The following STAM2 variants were observed in gnomAD, a reference collection of about 807,000 sequenced individuals.
STAM2 encodes signal transducing adaptor molecule 2.
Under a neutral mutation model 65.6 loss-of-function variants are expected in STAM2, and 51 were observed. The ratio of observed to expected loss-of-function variants is 0.78; its 90% confidence interval spans 0.62 to 0.98. The LOEUF is 0.98. STAM2 is among the 50% of genes least tolerant of loss of function. The pLI, the probability that STAM2 is intolerant of heterozygous loss-of-function variation, is 0.00. For synonymous variants in STAM2, 198 were observed against 208.4 expected, an observed-to-expected ratio of 0.95 and a Z score of 0.43; for missense variants, 584 against 617.8, an observed-to-expected ratio of 0.95 and a Z score of 0.58.
intron 12 of STAM2, 38 bp downstream of exon 12, chr2:152,126,188 T>C (rs755855712): frequency 1.8e-5 from 28 of 1,527,186 alleles, no homozygotes; most frequent in Non-Finnish European, 2.5e-5. Context: ...TTAAAAGTTG[T>C]TTATAATTTA....
rs1361737726 is a variant in STAM2 at position 152,118,327 on chromosome 2, T to C, written c.*2247A>G. The C allele has an allele frequency of 6.6e-6, 1 of 151,888 alleles. No individual in the cohort carries two copies. Among genetic ancestry groups the C allele is most frequent in the African/African-American group, 2.4e-5 (1 of 41,420 alleles). The allele number at this position is 151,888 out of a possible 1,614,324, so 9.4% of individuals were successfully genotyped here. On this transcript the variant is annotated 3_prime_UTR_variant, in exon 14 of 14. Transcript: ENST00000263904. ...CAGTACACAGATTTAAAATCATTTTTATCTCTCGACAGCCTGCAACACAAA... is the reference window on the plus strand; with the variant it reads ...CAGTACACAGATTTAAAATCATTTTCATCTCTCGACAGCCTGCAACACAAA...
chr2:152,151,077 A>G (rs1311700307), intron 1 of STAM2, among the ~76,000 whole-genome samples: 1 of 152,190 alleles, frequency 6.6e-6, no homozygotes. Context: ...ACAAAATTAA[A>G]TGAACAAAAA....
In STAM2 at chr2:152,119,357, G is replaced by A. The variant is rs1001383277; in HGVS notation, c.*1217C>T. Reference sequence around the variant, plus strand: ...AGGCTTCAGAAAAACTGCTTCAATAGCCTCCCTATCAATCTGTCGCCTTCT... The same window carrying A: ...AGGCTTCAGAAAAACTGCTTCAATAACCTCCCTATCAATCTGTCGCCTTCT... On this transcript the variant is annotated 3_prime_UTR_variant, in exon 14 of 14. Transcript: ENST00000263904. 2.6e-5 allele frequency: 4 copies of A among 152,062 alleles called. No homozygotes were observed. The highest frequency in any genetic ancestry group is 9.7e-5 in the African/African-American group (4 of 41,384). 9.4% of individuals were successfully genotyped at this position (152,062 alleles called of 1,614,324 possible).
intron 7 of STAM2, among the ~76,000 whole-genome samples, chr2:152,138,258 C>A (rs1171397601): frequency 6.6e-6 from 1 of 151,958 alleles, no homozygotes; most frequent in East Asian, 1.9e-4. Flanking sequence ...TATTTATATT[C>A]TTTTATAGCT....
intron 7 of STAM2, among the ~76,000 whole-genome samples, chr2:152,140,748 C>T (rs1689230704): frequency 6.6e-6 from 1 of 152,166 alleles, no homozygotes; most frequent in Admixed American, 6.5e-5. Context: ...CAGACAGAAC[C>T]AAAGGTGCAA....
chr2:152,142,480 G>C lies in STAM2; in HGVS notation c.704+1347C>G, dbSNP rs185309641. On this transcript the variant is annotated intron_variant, in intron 7 of 13. Coordinates refer to ENST00000263904, the MANE Select transcript of STAM2 (RefSeq NM_005843.6). Reference sequence around the variant, plus strand: ...ACTCATAAGCCTGACATTTCAGACTGTCAGTGTTCAGAGCCCACACTATCT... The same window carrying C: ...ACTCATAAGCCTGACATTTCAGACTCTCAGTGTTCAGAGCCCACACTATCT... Among the ~76,000 whole-genome samples the C allele has an allele frequency of 3.4e-3, 512 of 152,280 alleles. 3 individuals carry two copies. Among genetic ancestry groups the C allele is most frequent in the African/African-American group, 0.012 (494 of 41,556 alleles).
chr2:152,138,858 C>T (rs895218559), intron 7 of STAM2, among the ~76,000 whole-genome samples: 3 of 152,102 alleles, frequency 2.0e-5, no homozygotes, highest in Admixed American at 1.3e-4. Flanking sequence ...TTGTATAAAA[C>T]GAGAAAACCC....
intron 1 of STAM2, among the ~76,000 whole-genome samples, chr2:152,153,309 T>C (rs1689481726): frequency 1.3e-5 from 2 of 151,986 alleles, no homozygotes; most frequent in African/African-American, 4.8e-5. Context: ...CATATATATA[T>C]ATGAATGACA....
chr2:152,133,918 G>A (rs1293056883), intron 8 of STAM2, among the ~76,000 whole-genome samples: 3 of 152,004 alleles, frequency 2.0e-5, no homozygotes, highest in Non-Finnish European at 2.9e-5. Flanking sequence ...TTACATCTAC[G>A]AGTTCCTTCT....
chr2:152,175,732 A>T lies in STAM2; in HGVS notation c.-90T>A, dbSNP rs1014607176. ...GTGACCCGCGGCCGCGGCTCCCTAG[A>T]CCGCTCCGCTTCGGCCTCCGTCCCT... On this transcript the variant is annotated 5_prime_UTR_variant, in exon 1 of 14. Transcript: ENST00000263904. 6 of 1,415,006 alleles carry T rather than the reference A, an allele frequency of 4.2e-6. No individual in the cohort carries two copies. In the African/African-American group the frequency reaches 4.3e-5, roughly 10 times the overall value. 87.7% of individuals were successfully genotyped at this position (1,415,006 alleles called of 1,614,324 possible).
intron 8 of STAM2, among the ~76,000 whole-genome samples, chr2:152,134,475 AC>A (rs1368167292): frequency 6.6e-6 from 1 of 152,198 alleles, no homozygotes; most frequent in African/African-American, 2.4e-5. Flanking sequence ...GTGAGTATCA[AC>A]CTCTCACGAC....
chr2:152,136,649 C>T (rs1440497813), intron 7 of STAM2, among the ~76,000 whole-genome samples: 1 of 151,874 alleles, frequency 6.6e-6, no homozygotes, highest in Non-Finnish European at 1.5e-5. Flanking sequence ...CCATACAGAC[C>T]TTTTTAATTT....
chr2:152,164,203 A>G (rs1412112917), intron 1 of STAM2, among the ~76,000 whole-genome samples: 1 of 152,190 alleles, frequency 6.6e-6, no homozygotes, highest in Non-Finnish European at 1.5e-5. Flanking sequence ...ACTGGCCGAC[A>G]CTTAGGAAAA....
intron 1 of STAM2, among the ~76,000 whole-genome samples, chr2:152,164,572 C>A (rs927693882): frequency 6.6e-6 from 1 of 152,186 alleles, no homozygotes; most frequent in Admixed American, 6.5e-5. Context: ...AAATTCCCGA[C>A]CTCAGGTGAT....
intron 1 of STAM2, among the ~76,000 whole-genome samples, chr2:152,157,889 C>T (rs1689581510): frequency 6.6e-6 from 1 of 152,160 alleles, no homozygotes; most frequent in Admixed American, 6.5e-5. Flanking sequence ...CCTGACAGAA[C>T]AAAACTCAAC....
chr2:152,163,509 G>A (rs1290221974), intron 1 of STAM2, among the ~76,000 whole-genome samples: 1 of 152,094 alleles, frequency 6.6e-6, no homozygotes, highest in Non-Finnish European at 1.5e-5. Flanking sequence ...TAAAACACGT[G>A]TGTTTGAACA....
chr2:152,167,042 C>T (rs865821534), intron 1 of STAM2, among the ~76,000 whole-genome samples: 3 of 152,156 alleles, frequency 2.0e-5, no homozygotes, highest in Admixed American at 1.3e-4. Flanking sequence ...AAAAATTACA[C>T]TAAATATGAG....
intron 1 of STAM2, among the ~76,000 whole-genome samples, chr2:152,161,496 A>T (rs926135269): frequency 3.9e-3 from 55 of 14,232 alleles, no homozygotes; most frequent in Non-Finnish European, 7.0e-3. Flanking sequence ...ATGATCAATA[A>T]AAAAAAAAAA....
intron 11 of STAM2, among the ~76,000 whole-genome samples, chr2:152,130,618 G>A (rs1408581245): frequency 6.6e-6 from 1 of 151,622 alleles, no homozygotes; most frequent in African/African-American, 2.4e-5. Flanking sequence ...AGCACTTTGG[G>A]AAGCTGAGGC....
Sources: gnomAD v4.1 joint callset for allele counts (sites outside exome capture counted in the v4.1 genomes callset) on GRCh38, gnomAD v4.1.1 for gene constraint, MANE v1.5 for transcripts, NCBI Gene and HGNC (gene_info 2026-07-23, HGNC 2026-07-21) for gene names.